The following SLC35F4 variants were observed in gnomAD, a reference collection of about 807,000 sequenced individuals.
SLC35F4 encodes solute carrier family 35 member F4.
SLC35F4 carries 24 observed loss-of-function variants against 44.2 expected under a neutral mutation model. That is an observed-to-expected ratio of 0.54 (90% CI 0.39 to 0.76). SLC35F4 has a LOEUF of 0.76. Ranked by LOEUF, SLC35F4 falls within the 30% of genes least tolerant of loss-of-function variation. The pLI is 0.00. For missense variants in SLC35F4, 562 were observed against 586.1 expected, an observed-to-expected ratio of 0.96 and a Z score of 0.42; for synonymous variants, 238 against 223.6, an observed-to-expected ratio of 1.06 and a Z score of -0.57.
At chr14:57,603,027 C>T (rs1379137568) in intron 1 of SLC35F4, among the ~76,000 whole-genome samples, 1 of 152,202 alleles carries the variant, frequency 6.6e-6, no homozygotes, top group Non-Finnish European at 1.5e-5. Flanking sequence ...AGCCTTGTTA[C>T]TCTTTACACC....
At chr14:57,595,843 C>A (rs1017611781) in intron 1 of SLC35F4, 4 of 152,326 alleles carry the variant, frequency 2.6e-5, no homozygotes, top group Middle Eastern at 3.4e-3. Flanking sequence ...TGAAATTAAT[C>A]ACTTCTCCAA....
intron 1 of SLC35F4, among the ~76,000 whole-genome samples, chr14:57,672,079 G>A (rs2074540431): frequency 6.6e-6 from 1 of 152,100 alleles, no homozygotes; most frequent in Non-Finnish European, 1.5e-5. Flanking sequence ...GACATGTGGA[G>A]TTTGGCTGCA....
chr14:57,922,407 CCTT>C (rs1889460292), intron 1 of SLC35F4, among the ~76,000 whole-genome samples: 1 of 152,160 alleles, frequency 6.6e-6, no homozygotes, highest in Non-Finnish European at 1.5e-5. Flanking sequence ...ACTACAGAAT[CCTT>C]CTCAACACGG....
chr14:57,605,031 C>A (rs944999465), intron 1 of SLC35F4, among the ~76,000 whole-genome samples: 1 of 152,148 alleles, frequency 6.6e-6, no homozygotes, highest in Non-Finnish European at 1.5e-5. Flanking sequence ...AAATACCCTT[C>A]TCAATATCAG....
chr14:57,814,065 G>T (rs1882291908), intron 1 of SLC35F4, among the ~76,000 whole-genome samples: 1 of 152,216 alleles, frequency 6.6e-6, no homozygotes, highest in South Asian at 2.1e-4. Flanking sequence ...GCAGCTGTAT[G>T]TATGTATTGA....
Position 57,809,458 on chromosome 14 carries a change from A to T in SLC35F4, c.103+56265T>A, listed in dbSNP as rs143351930. 4.4e-3 allele frequency among the ~76,000 whole-genome samples: 662 copies of T among 152,106 alleles called. 6 individuals carry two copies. Among genetic ancestry groups the T allele is most frequent in the African/African-American group, 0.015 (611 of 41,494 alleles). Reference sequence around the variant, plus strand: ...TCTGTGCAGTGGCTAGAAGAAGCAGACTCCACGACCCAGAAGAACCTAAAG... The same window carrying T: ...TCTGTGCAGTGGCTAGAAGAAGCAGTCTCCACGACCCAGAAGAACCTAAAG... On this transcript the variant is annotated intron_variant, in intron 1 of 7. Coordinates refer to ENST00000556826, the MANE Select transcript of SLC35F4 (RefSeq NM_001306087.2).
At chr14:57,736,894 C>G (rs1335544793) in intron 1 of SLC35F4, among the ~76,000 whole-genome samples, 2 of 152,104 alleles carry the variant, frequency 1.3e-5, no homozygotes, top group African/African-American at 2.4e-5. Flanking sequence ...GTTTTGGGAG[C>G]TGCAATTTGG....
chr14:57,600,477 G>A (rs1236530029), intron 1 of SLC35F4, among the ~76,000 whole-genome samples: 1 of 150,696 alleles, frequency 6.6e-6, no homozygotes, highest in Non-Finnish European at 1.5e-5. Context: ...CGGATCACGA[G>A]GTCAGGAGAT....
At chr14:57,877,521 T>C (rs1383531544) in intron 1 of SLC35F4, among the ~76,000 whole-genome samples, 2 of 152,168 alleles carry the variant, frequency 1.3e-5, no homozygotes, top group Non-Finnish European at 1.5e-5. Flanking sequence ...TACCCAGTAA[T>C]GGGATTGCTC....
rs142020629 is a variant in SLC35F4 at position 57,749,467 on chromosome 14, C to A, written c.103+116256G>T. ...CTTGCAGGGTGACTCCCACATGACT[C>A]AATACATACTGATCATACACAGCAG... On this transcript the variant is annotated intron_variant, in intron 1 of 7. Transcript: ENST00000556826. 3.9e-5 allele frequency among the ~76,000 whole-genome samples: 6 copies of A among 152,154 alleles called. No individual in the cohort carries two copies. The East Asian group carries it at 1.2e-3, about 29-fold the overall frequency.
At chr14:57,727,753 A>G (rs1034852640) in intron 1 of SLC35F4, among the ~76,000 whole-genome samples, 1 of 152,178 alleles carries the variant, frequency 6.6e-6, no homozygotes, top group Non-Finnish European at 1.5e-5. Context: ...AAGATGCTTG[A>G]TACTATTTCA....
intron 1 of SLC35F4, among the ~76,000 whole-genome samples, chr14:57,814,979 C>A (rs1354078595): frequency 1.3e-5 from 2 of 152,114 alleles, no homozygotes; most frequent in African/African-American, 4.8e-5. Context: ...TGGGGCAAAT[C>A]CAGCCATTCT....
intron 1 of SLC35F4, among the ~76,000 whole-genome samples, chr14:57,626,471 T>C (rs953903774): frequency 3.9e-5 from 6 of 152,144 alleles, no homozygotes; most frequent in Admixed American, 2.0e-4. Context: ...AGGAGCTCTT[T>C]ATCTGGGGTC....
chr14:57,964,974 G>GAA (rs72495990), intron 1 of SLC35F4, among the ~76,000 whole-genome samples: 16 of 119,010 alleles, frequency 1.3e-4, no homozygotes, highest in African/African-American at 4.0e-4. Context: ...TCCCATGGGG[G>GAA]AAAAAAAAAA....
chr14:57,769,824 G>C (rs2077319472), intron 1 of SLC35F4, among the ~76,000 whole-genome samples: 1 of 152,132 alleles, frequency 6.6e-6, no homozygotes, highest in Non-Finnish European at 1.5e-5. Flanking sequence ...TGAATTTTCT[G>C]CTTGTTTCTT....
At chr14:57,779,940 A>C (rs1370169117) in intron 1 of SLC35F4, among the ~76,000 whole-genome samples, 2 of 152,192 alleles carry the variant, frequency 1.3e-5, no homozygotes, top group Non-Finnish European at 2.9e-5. Context: ...ACCTCAAAAT[A>C]ATAACAGCCA....
intron 1 of SLC35F4, among the ~76,000 whole-genome samples, chr14:57,844,315 T>A (rs1306225503): frequency 6.6e-6 from 1 of 151,936 alleles, no homozygotes; most frequent in Non-Finnish European, 1.5e-5. Flanking sequence ...GTGATAGAGG[T>A]CTTAATAAAG....
intron 1 of SLC35F4, among the ~76,000 whole-genome samples, chr14:57,705,932 G>A (rs1072960): frequency 0.047 from 7,135 of 152,174 alleles, 215 homozygotes; most frequent in South Asian, 0.082. Flanking sequence ...CAAACAGAAA[G>A]AACAATGTGT....
intron 1 of SLC35F4, among the ~76,000 whole-genome samples, chr14:57,800,636 C>T (rs1172083830): frequency 6.6e-6 from 1 of 152,096 alleles, no homozygotes; most frequent in African/African-American, 2.4e-5. Flanking sequence ...AATACAGGAG[C>T]TGATAGCCAG....
Sources: allele counts gnomAD v4.1 joint callset (sites outside exome capture counted in the v4.1 genomes callset), GRCh38; gene constraint gnomAD v4.1.1; transcripts MANE v1.5; gene names NCBI Gene and HGNC (gene_info 2026-07-23, HGNC 2026-07-21).